CCDC40: variants seen among roughly 807,000 people sequenced by gnomAD.
CCDC40 encodes the protein coiled-coil domain-containing protein 40.
In CCDC40, 104 loss-of-function variants were observed where a neutral mutation model predicts 124.5. The ratio of observed to expected loss-of-function variants is 0.84; its 90% CI spans 0.71 to 0.98. The LOEUF (loss-of-function observed/expected upper bound fraction) is 0.98. Among genes scored for constraint, CCDC40 ranks in the 50% least tolerant of loss-of-function variants. The probability of loss-of-function intolerance (pLI) is 0.00; values close to 1 mark genes in which losing one functional copy is unlikely to be tolerated. For missense variants in CCDC40, 1,463 were observed against 1,503.9 expected (o/e 0.97, Z 0.45); for synonymous variants, 580 against 602.9 (o/e 0.96, Z 0.56).
At chr17:80,037,720 T>TATATATATATATATATATATA (rs1555889200) in intron 1 of CCDC40, among the ~76,000 whole-genome samples, 173 of 141,336 alleles carry the variant, frequency 1.2e-3, no homozygotes, top group Non-Finnish European at 1.8e-3. Context: ...TATATATATA[T>TATATATATATATATATATATA]TCCTGTGCTA....
At position 80,037,690 on chromosome 17, in the gene CCDC40, GATATAC is replaced by G. The variant is rs869063940; in HGVS notation, c.30-427_30-422del. ...CTTGAATCTTTAATTTTTTAAAAAA[GATATAC>G]ATATATATATATATATATATATATT... On this transcript the variant is annotated intron_variant, in intron 1 of 19. Transcript: ENST00000397545. Among the ~76,000 whole-genome samples, 306 of 92,086 alleles carry G rather than the reference GATATAC, an allele frequency of 3.3e-3. 9 individuals carry two copies. The highest frequency in any genetic ancestry group is 0.01 in the African/African-American group (267 of 25,456). The allele number at this position is 92,086 out of a possible 152,430, so 60.4% of individuals were successfully genotyped here. A position where few individuals can be genotyped will look rare whatever the true frequency, so the allele number is the denominator to read the frequency against.
intron 16 of CCDC40, chr17:80,089,481 C>T (rs1299058144): frequency 2.3e-6 from 1 of 430,538 alleles, no homozygotes; most frequent in Non-Finnish European, 4.3e-6. Context: ...TACTGACTTT[C>T]TCAGCTCCTA....
intron 10 of CCDC40, among the ~76,000 whole-genome samples, chr17:80,079,398 G>T (rs2038393809): frequency 6.6e-6 from 1 of 152,068 alleles, no homozygotes; most frequent in Admixed American, 6.6e-5. Flanking sequence ...CGGCCGCTTA[G>T]TGTGTCCCGC....
intron 5 of CCDC40, among the ~76,000 whole-genome samples, chr17:80,049,149 C>G (rs1469444430): frequency 5.3e-5 from 8 of 151,904 alleles, no homozygotes; most frequent in Admixed American, 5.2e-4. Context: ...AATCCCAGCA[C>G]TTTGGGAGGC....
At chr17:80,079,738 AG>A (rs1406638114) in intron 10 of CCDC40, among the ~76,000 whole-genome samples, 7 of 146,718 alleles carry the variant, frequency 4.8e-5, no homozygotes, top group African/African-American at 1.8e-4. Flanking sequence ...CCTGGCCAAC[AG>A]GGCGAAACCC....
chr17:80,056,250 C>A (rs565020089), intron 7 of CCDC40, among the ~76,000 whole-genome samples: 4 of 151,382 alleles, frequency 2.6e-5, no homozygotes, highest in Admixed American at 2.0e-4. Flanking sequence ...TAAATGGCTG[C>A]ATATTATACC....
intron 7 of CCDC40, among the ~76,000 whole-genome samples, chr17:80,055,991 TA>T (rs2037726371): frequency 8.3e-5 from 1 of 12,098 alleles, no homozygotes; most frequent in Non-Finnish European, 1.9e-4. Flanking sequence ...CATATATATA[TA>T]TATATATATA....
Position 80,066,155 on chromosome 17 carries a change from A to G in CCDC40, c.1562+549A>G. 1 of 703,030 alleles carries G rather than the reference A, an allele frequency of 1.4e-6. No individual in the cohort carries two copies. Among genetic ancestry groups the G allele is most frequent in the Non-Finnish European group, 2.6e-6 (1 of 385,012 alleles). 43.5% of individuals were successfully genotyped at this position (703,030 alleles called of 1,614,324 possible). A position where few individuals can be genotyped will look rare whatever the true frequency, so the allele number is the denominator to read the frequency against. On this transcript the variant is annotated intron_variant, in intron 10 of 19. Transcript: ENST00000397545. This position sits in a 1 kb window ranked among gnomAD's most constrained non-coding sequence, Gnocchi z 4.4. ...TGACCAGGTCTCGGGACGCGGAAAGAAAAAGCCGGGCACTGTGGTGGCACG... is the reference window on the plus strand; with the variant it reads ...TGACCAGGTCTCGGGACGCGGAAAGGAAAAGCCGGGCACTGTGGTGGCACG...
chr17:80,081,472 T>G, intron 10 of CCDC40, 74 bp from the exon 11 acceptor site: 2 of 1,595,540 alleles, frequency 1.3e-6, no homozygotes, highest in Non-Finnish European at 1.7e-6. Flanking sequence ...AGCTCCCTCG[T>G]GTGGGGCGCA....
In CCDC40 at chr17:80,087,805, C is replaced by T. The variant is rs528559052; in HGVS notation, c.2619+29C>T. On this transcript the variant is annotated intron_variant, in intron 15 of 19. Transcript: ENST00000397545. This position sits in a 1 kb window ranked among gnomAD's most constrained non-coding sequence, Gnocchi z 4.5. ...CGGCCGTGTCCACGCAGTCCCGGGG[C>T]TCAGGACGATGGAGGGCGGGGGTAC... is the stretch of plus-strand genomic sequence containing the variant. 4 of 1,609,900 alleles carry T rather than the reference C, an allele frequency of 2.5e-6. No individual in the cohort carries two copies. In the South Asian group the frequency reaches 3.3e-5, roughly 13 times the overall value.
At chr17:80,053,316 AGGCCGG>A (rs2037655106) in intron 7 of CCDC40, among the ~76,000 whole-genome samples, 2 of 152,214 alleles carry the variant, frequency 1.3e-5, no homozygotes, top group Non-Finnish European at 2.9e-5. Flanking sequence ...TGGCCTCTTG[AGGCCGG>A]GCCTGGGCTA....
intron 1 of CCDC40, 43 bp downstream of exon 1, chr17:80,036,734 C>T: frequency 6.9e-7 from 1 of 1,458,370 alleles, no homozygotes; most frequent in Non-Finnish European, 9.1e-7. Context: ...GTCGCCAGGC[C>T]GCGCTCTCCG....
chr17:80,038,274 TA>T, intron 2 of CCDC40, 88 bp downstream of exon 2: 1 of 904,280 alleles, frequency 1.1e-6, no homozygotes, highest in Non-Finnish European at 1.8e-6. Context: ...CTCACGCCTG[TA>T]ATCCCAACAC....
intron 10 of CCDC40, among the ~76,000 whole-genome samples, chr17:80,078,167 T>TAA (rs2038355497): frequency 6.6e-6 from 1 of 151,492 alleles, no homozygotes. Context: ...CCATCTCTAC[T>TAA]AAAAATACAA....
rs908669175 is a variant in CCDC40, at chr17:80,100,373, A to C, written c.*598A>C. On this transcript the variant is annotated 3_prime_UTR_variant, in exon 20 of 20. Coordinates refer to ENST00000397545, the MANE Select transcript of CCDC40 (RefSeq NM_017950.4). ...CAGGAGAAAGTCAGTGGCCCCAGAC[A>C]CACGTAACAGGGTGAGCACTGAAAT... 2.4e-5 allele frequency: 4 copies of C among 165,000 alleles called. No homozygotes were observed. Among genetic ancestry groups the C allele is most frequent in the African/African-American group, 9.6e-5 (4 of 41,538 alleles). 10.2% of individuals were successfully genotyped at this position (165,000 alleles called of 1,614,324 possible). A position where few individuals can be genotyped will look rare whatever the true frequency, so the allele number is the denominator to read the frequency against.
At position 80,100,080 on chromosome 17, in the gene CCDC40, G is replaced by A; in HGVS notation, c.*305G>A. On this transcript the variant is annotated 3_prime_UTR_variant, in exon 20 of 20. Coordinates refer to ENST00000397545, the MANE Select transcript of CCDC40 (RefSeq NM_017950.4). The stretch of plus-strand genomic sequence containing the variant: ...CGTCCAGGTAACACTTTGGTTTGCA[G>A]CACTCCCAAATCTGCACGTGCCTCT... 1 of 428,052 alleles carries A rather than the reference G, an allele frequency of 2.3e-6. No individual in the cohort carries two copies. The highest frequency in any genetic ancestry group is 4.4e-6 in the Non-Finnish European group (1 of 229,364). The allele number at this position is 428,052 out of a possible 1,614,324, so 26.5% of individuals were successfully genotyped here.
At chr17:80,053,802 AGG>A in intron 7 of CCDC40, among the ~76,000 whole-genome samples, 1 of 152,310 alleles carries the variant, frequency 6.6e-6, no homozygotes, top group Admixed American at 6.5e-5. Flanking sequence ...CATGTTGGTC[AGG>A]CTGGTCTTGA....
At chr17:80,048,284 C>G in intron 4 of CCDC40, 1 of 424,994 alleles carries the variant, frequency 2.4e-6, no homozygotes, top group Non-Finnish European at 4.4e-6. Context: ...TGTATCCAAT[C>G]CACTAGTTAA....
At position 80,058,750 on chromosome 17, in the gene CCDC40, G is replaced by T; in HGVS notation, c.1317+99G>T. On this transcript the variant is annotated intron_variant, in intron 8 of 19. Transcript: ENST00000397545. The surrounding 1 kb of genome is among the most constrained non-coding windows in gnomAD (Gnocchi z 4.2). ...CCTGCGTGAAGGCTTCCGGCCGGAG[G>T]GGTGGCGGCCGGCCTGGGTGGCGTC... 6.2e-7 allele frequency: 1 copy of T among 1,602,426 alleles called. No individual in the cohort carries two copies. Among genetic ancestry groups the T allele is most frequent in the Non-Finnish European group, 8.5e-7 (1 of 1,169,862 alleles).
Sources: allele counts gnomAD v4.1 joint callset (sites outside exome capture counted in the v4.1 genomes callset), GRCh38; gene constraint gnomAD v4.1.1; non-coding constraint Gnocchi (gnomAD v3.1); transcripts MANE v1.5; gene names NCBI Gene and HGNC (gene_info 2026-07-23, HGNC 2026-07-21).